The following ELP4 variants were observed in gnomAD, a reference collection of about 807,000 sequenced individuals.
ELP4 encodes elongator acetyltransferase complex subunit 4.
In ELP4, 51 loss-of-function variants were observed where a neutral mutation model predicts 48.9. The ratio of observed to expected loss-of-function variants is 1.04; its 90% CI spans 0.83 to 1.32. ELP4 has a LOEUF of 1.32. Ranked by LOEUF, ELP4 falls within the 40% of genes most tolerant of loss-of-function variation. The pLI is 0.00. For synonymous variants in ELP4, 210 were observed against 189.2 expected (o/e 1.11, Z -0.90); for missense variants, 519 against 514.6 (o/e 1.01, Z -0.08).
At chr11:31,702,145 A>G (rs1211062516) in intron 9 of ELP4, among the ~76,000 whole-genome samples, 1 of 152,086 alleles carries the variant, frequency 6.6e-6, no homozygotes, top group Non-Finnish European at 1.5e-5. Context: ...TGATTAAACA[A>G]GTAATTAGAC....
intron 4 of ELP4, among the ~76,000 whole-genome samples, chr11:31,596,765 A>G (rs1051447969): frequency 6.6e-6 from 1 of 152,212 alleles, no homozygotes; most frequent in Non-Finnish European, 1.5e-5. Flanking sequence ...TACAACTCAA[A>G]TTATAAAATA....
At chr11:31,652,136 A>G (rs1297977372) in intron 9 of ELP4, 1 of 151,724 alleles carries the variant, frequency 6.6e-6, no homozygotes, top group Non-Finnish European at 1.5e-5. Flanking sequence ...AAAACAAAAC[A>G]CAAATAGACT....
intron 3 of ELP4, among the ~76,000 whole-genome samples, chr11:31,575,407 A>T (rs1226678263): frequency 1.3e-5 from 2 of 152,178 alleles, no homozygotes; most frequent in African/African-American, 2.4e-5. Flanking sequence ...CTAGCAAGGC[A>T]GGCCAACATT....
At chr11:31,758,773 T>C (rs1947883289) in intron 9 of ELP4, among the ~76,000 whole-genome samples, 1 of 151,730 alleles carries the variant, frequency 6.6e-6, no homozygotes, top group Non-Finnish European at 1.5e-5. Context: ...TTCAAGCAGT[T>C]CTCCCACCTC....
intron 9 of ELP4, among the ~76,000 whole-genome samples, chr11:31,678,216 A>T (rs1225186870): frequency 1.3e-5 from 2 of 151,914 alleles, no homozygotes; most frequent in Non-Finnish European, 2.9e-5. Context: ...GGAGGCTGAG[A>T]TGGGAGGATT....
intron 1 of ELP4, among the ~76,000 whole-genome samples, chr11:31,517,383 C>G (rs186418849): frequency 6.6e-6 from 1 of 151,940 alleles, no homozygotes; most frequent in Non-Finnish European, 1.5e-5. Context: ...AGGATGGTCT[C>G]GAACACCTGA....
chr11:31,576,482 A>G (rs1333569755), intron 3 of ELP4, among the ~76,000 whole-genome samples: 1 of 152,236 alleles, frequency 6.6e-6, no homozygotes, highest in African/African-American at 2.4e-5. Flanking sequence ...AATCAACAGA[A>G]TATACATTCT....
At chr11:31,748,245 T>A (rs1947640742) in intron 9 of ELP4, among the ~76,000 whole-genome samples, 1 of 140,720 alleles carries the variant, frequency 7.1e-6, no homozygotes. Context: ...ACCAAGATCT[T>A]TTTTTTTTTT....
At chr11:31,523,524 G>T (rs1321339004) in intron 2 of ELP4, among the ~76,000 whole-genome samples, 1 of 152,068 alleles carries the variant, frequency 6.6e-6, no homozygotes, top group Admixed American at 6.5e-5. Context: ...AGCTTCAGTA[G>T]CAATTTAACT....
intron 9 of ELP4, among the ~76,000 whole-genome samples, chr11:31,708,871 A>C (rs1453208552): frequency 6.6e-6 from 1 of 152,164 alleles, no homozygotes; most frequent in Non-Finnish European, 1.5e-5. Flanking sequence ...ATAATTATGC[A>C]AGGAAAGTTG....
intron 9 of ELP4, among the ~76,000 whole-genome samples, chr11:31,761,532 A>G (rs954556201): frequency 1.3e-5 from 2 of 152,204 alleles, no homozygotes; most frequent in South Asian, 2.1e-4. Context: ...CTCTGTAAAG[A>G]TGGACATTTA....
chr11:31,776,172 AAAAG>A (rs1948243304), intron 9 of ELP4, among the ~76,000 whole-genome samples: 1 of 151,138 alleles, frequency 6.6e-6, no homozygotes, highest in Non-Finnish European at 1.5e-5. Flanking sequence ...AAAAAAAAAA[AAAAG>A]AGTATGGGAT....
chr11:31,620,290 G>T (rs1246439776), intron 5 of ELP4, among the ~76,000 whole-genome samples: 3 of 152,000 alleles, frequency 2.0e-5, no homozygotes, highest in African/African-American at 7.2e-5. Context: ...GAAGAGCAAG[G>T]AAGTGAGGAT....
intron 9 of ELP4, among the ~76,000 whole-genome samples, chr11:31,685,081 A>C (rs1946132902): frequency 2.6e-5 from 4 of 152,184 alleles, no homozygotes; most frequent in Admixed American, 2.6e-4. Context: ...GGCCGGGAGC[A>C]GTGGCTCAAG....
At chr11:31,746,740 G>C (rs1947601942) in intron 9 of ELP4, among the ~76,000 whole-genome samples, 1 of 152,062 alleles carries the variant, frequency 6.6e-6, no homozygotes, top group Non-Finnish European at 1.5e-5. Context: ...GACTGTTGTG[G>C]GGTCGGTGGA....
intron 5 of ELP4, among the ~76,000 whole-genome samples, chr11:31,622,096 CCAAA>C (rs200178605): frequency 0.013 from 2,007 of 151,816 alleles, 24 homozygotes; most frequent in Middle Eastern, 0.096. Context: ...TTACTATGTA[CCAAA>C]CACTTTATCA....
chr11:31,573,778 A>T lies in ELP4; in HGVS notation c.382-20992A>T, dbSNP rs530916075. Among the ~76,000 whole-genome samples, 5 of 147,650 alleles carry T rather than the reference A, an allele frequency of 3.4e-5. No individual in the cohort carries two copies. The South Asian group carries it at 8.6e-4, about 26-fold the overall frequency. The stretch of plus-strand genomic sequence containing the variant: ...AACATTGAGTATTTATCTCTTTTAA[A>T]CTTAGTTATTTTCAAACACCCCTTT... On this transcript the variant is annotated intron_variant, in intron 3 of 9. Coordinates refer to ENST00000640961, the MANE Select transcript of ELP4 (RefSeq NM_019040.5).
intron 9 of ELP4, among the ~76,000 whole-genome samples, chr11:31,669,009 A>T (rs927857688): frequency 1.3e-5 from 2 of 151,696 alleles, no homozygotes; most frequent in Non-Finnish European, 1.5e-5. Context: ...TCAAACTTCG[A>T]CTTGCAGCTT....
chr11:31,692,074 G>A (rs1322262458), intron 9 of ELP4, among the ~76,000 whole-genome samples: 1 of 152,230 alleles, frequency 6.6e-6, no homozygotes, highest in East Asian at 1.9e-4. Context: ...TTTTTAAGCT[G>A]TGAAACTCTG....
Sources: gnomAD v4.1 joint callset for allele counts (sites outside exome capture counted in the v4.1 genomes callset) on GRCh38, gnomAD v4.1.1 for gene constraint, MANE v1.5 for transcripts, NCBI Gene and HGNC (gene_info 2026-07-23, HGNC 2026-07-21) for gene names.